Variants in KIF4A observed in about 807,000 individuals in gnomAD.
KIF4A encodes kinesin family member 4A, also known as chromosome-associated kinesin KIF4A.
In KIF4A, 7 loss-of-function variants were observed where a neutral mutation model predicts 105.9. The observed-to-expected ratio is 0.07, with a 90% CI of 0.04 to 0.12. KIF4A has a LOEUF of 0.12. KIF4A is among the 10% of genes least tolerant of loss of function. The probability of loss-of-function intolerance (pLI) is 1.00; values close to 1 mark genes in which losing one functional copy is unlikely to be tolerated. For missense variants in KIF4A, 558 were observed against 929.2 expected, an observed-to-expected ratio of 0.60 and a Z score of 5.19; for synonymous variants, 281 against 331.3, an observed-to-expected ratio of 0.85 and a Z score of 1.65.
At position 70,291,966 on chromosome X, in the gene KIF4A, G is replaced by GT. The variant is rs1217475654; in HGVS notation, c.235+1168dup. 3.6e-5 allele frequency among the ~76,000 whole-genome samples: 4 copies of GT among 111,378 alleles called. No individual in the cohort carries two copies. The South Asian group carries it at 1.5e-3, about 41-fold the overall frequency. On this transcript the variant is annotated intron_variant, in intron 3 of 30. Transcript: ENST00000374403. Reference sequence around the variant, plus strand: ...AACAGCTATTCACATATTTTTTCACGTTTTTTTGTTTAATGATATGGCTCA... The same window carrying GT: ...AACAGCTATTCACATATTTTTTCACGTTTTTTTTGTTTAATGATATGGCTCA...
chrX:70,401,653 G>C (rs978387099), intron 22 of KIF4A, among the ~76,000 whole-genome samples: 1 of 110,693 alleles, frequency 9.0e-6, no homozygotes, highest in Non-Finnish European at 1.9e-5. Context: ...CACCCACCTC[G>C]GCCTCCCAAA....
intron 7 of KIF4A, among the ~76,000 whole-genome samples, chrX:70,308,857 GC>G (rs1471568762): frequency 8.9e-6 from 1 of 112,335 alleles, no homozygotes; most frequent in Non-Finnish European, 1.9e-5. Flanking sequence ...CAATCTGCCT[GC>G]CTCGGCCTCC....
intron 10 of KIF4A, among the ~76,000 whole-genome samples, chrX:70,335,603 TTA>T (rs1417695552): frequency 1.8e-5 from 2 of 112,224 alleles, no homozygotes; most frequent in Non-Finnish European, 3.8e-5. Flanking sequence ...AAGTACAATT[TTA>T]TTATATGGAT....
intron 13 of KIF4A, among the ~76,000 whole-genome samples, chrX:70,347,868 G>A (rs1171433172): frequency 2.2e-5 from 2 of 92,808 alleles, no homozygotes; most frequent in South Asian, 6.0e-4. Flanking sequence ...CCAGCTACTC[G>A]GGAGGCTGAG....
In KIF4A at chrX:70,404,931, G is replaced by A. The variant is rs747652199; in HGVS notation, c.2898+109G>A. The A allele has an allele frequency of 3.8e-5, 19 of 502,125 alleles. No homozygotes were observed. In the African/African-American group the frequency reaches 4.0e-4, roughly 11 times the overall value. 41.4% of individuals were successfully genotyped at this position (502,125 alleles called of 1,213,427 possible). On this transcript the variant is annotated intron_variant, in intron 25 of 30. Transcript: ENST00000374403. ...AGAGAGTAATTAACTACTGGAAAAA[G>A]TATTTATAATGGTAGCCTCTACTGC...
intron 20 of KIF4A, among the ~76,000 whole-genome samples, chrX:70,393,555 A>AT (rs1175267369): frequency 9.0e-6 from 1 of 111,040 alleles, no homozygotes; most frequent in African/African-American, 3.3e-5. Flanking sequence ...ATAATTATGG[A>AT]TTTTTTCCTT....
intron 7 of KIF4A, among the ~76,000 whole-genome samples, chrX:70,320,136 C>T (rs1024643162): frequency 9.0e-6 from 1 of 111,694 alleles, no homozygotes; most frequent in African/African-American, 3.3e-5. Flanking sequence ...TAATTGCACC[C>T]AGCATGATCT....
intron 3 of KIF4A, among the ~76,000 whole-genome samples, chrX:70,293,460 T>G (rs2085768810): frequency 1.8e-5 from 2 of 112,172 alleles, no homozygotes; most frequent in Admixed American, 9.5e-5. Flanking sequence ...TGCTTATAGT[T>G]TTAGAAGCTA....
chrX:70,337,305 G>A (rs897386460), intron 10 of KIF4A, among the ~76,000 whole-genome samples: 11 of 111,155 alleles, frequency 9.9e-5, no homozygotes, highest in African/African-American at 2.6e-4. Context: ...TGCTAAAATA[G>A]CACCTGTGAA....
At chrX:70,296,051 ACT>A (rs1433592242) in intron 3 of KIF4A, among the ~76,000 whole-genome samples, 1 of 105,484 alleles carries the variant, frequency 9.5e-6, no homozygotes, top group Non-Finnish European at 1.9e-5. Context: ...TTTTCAGTTA[ACT>A]ATATTGTGAA....
At chrX:70,350,477 G>A (rs977595342) in intron 13 of KIF4A, among the ~76,000 whole-genome samples, 8 of 108,986 alleles carry the variant, frequency 7.3e-5, no homozygotes, top group South Asian at 4.0e-4. Context: ...AGAGGGAGAC[G>A]GGAGAGGGAG....
chrX:70,353,876 C>G, intron 15 of KIF4A, 69 bp downstream of exon 15: 1 of 876,365 alleles, frequency 1.1e-6, no homozygotes, highest in South Asian at 2.9e-5. Flanking sequence ...AAGAAAACAA[C>G]AAGCATATAA....
Position 70,406,875 on chromosome X carries a change from C to A in KIF4A, c.3073-18C>A, listed in dbSNP as rs1401266248. The A allele has an allele frequency of 1.7e-6, 2 of 1,206,350 alleles. No homozygotes were observed. On this transcript the variant is annotated intron_variant, in intron 27 of 30. Transcript: ENST00000374403. Reference sequence around the variant, plus strand: ...GTTTTTATTAAATAACTAAACTACTCCAAACCTTTTTTCCTAGCCAAAACC... The same window carrying A: ...GTTTTTATTAAATAACTAAACTACTACAAACCTTTTTTCCTAGCCAAAACC...
chrX:70,364,125 A>T (rs1044769320), intron 15 of KIF4A, among the ~76,000 whole-genome samples: 1 of 111,833 alleles, frequency 8.9e-6, no homozygotes, highest in Admixed American at 9.5e-5. Flanking sequence ...AGTTCATTGT[A>T]GATTCTGGAT....
Position 70,301,911 on chromosome X carries a change from C to T in KIF4A, c.528C>T (p.Leu176=). 8.3e-7 allele frequency: 1 copy of T among 1,210,124 alleles called. No individual in the cohort carries two copies. ...DPKEGIKIVG[L]TEKTVLVALD... ...TTTCTTGCAATTAGATTGTGGGACT[C>T]ACTGAGAAGACTGTTTTGGTTGCCT... Residue 176 remains leucine, a synonymous_variant, in exon 6 of 31, where the codon CTC becomes CTT. Coordinates refer to ENST00000374403, the MANE Select transcript of KIF4A (RefSeq NM_012310.5).
chrX:70,356,083 C>G (rs770845466), intron 15 of KIF4A, among the ~76,000 whole-genome samples: 2 of 111,012 alleles, frequency 1.8e-5, no homozygotes, highest in African/African-American at 3.3e-5. Flanking sequence ...AGTTTGAGAC[C>G]AGCCTGGGCA....
intron 24 of KIF4A, 43 bp from the exon 25 acceptor site, chrX:70,404,672 T>C: frequency 2.0e-6 from 2 of 1,005,450 alleles, no homozygotes; most frequent in Non-Finnish European, 2.8e-6. Flanking sequence ...CTTTTTCCCC[T>C]TGGTACCTTT....
At chrX:70,399,807 G>T (rs1224688762) in intron 22 of KIF4A, among the ~76,000 whole-genome samples, 1 of 42,502 alleles carries the variant, frequency 2.4e-5, no homozygotes, top group African/African-American at 8.9e-5. Context: ...GTTGTGGGGT[G>T]GGGGGAGGGG....
intron 28 of KIF4A, among the ~76,000 whole-genome samples, chrX:70,407,435 A>T (rs1405395606): frequency 1.8e-5 from 2 of 111,271 alleles, no homozygotes; most frequent in Non-Finnish European, 3.8e-5. Flanking sequence ...AGGGGTTCTA[A>T]TTCTTAGTAT....
Sources: allele counts gnomAD v4.1 joint callset (sites outside exome capture counted in the v4.1 genomes callset), GRCh38; gene constraint gnomAD v4.1.1; transcripts MANE v1.5; gene names NCBI Gene and HGNC (gene_info 2026-07-23, HGNC 2026-07-21).